The following TBL1X variants were observed in gnomAD, a reference collection of about 807,000 sequenced individuals.
The protein encoded by TBL1X is transducin beta like 1 X-linked.
TBL1X carries 10 observed loss-of-function variants against 50.7 expected under a neutral mutation model. The observed-to-expected ratio is 0.20, with a 90% confidence interval of 0.12 to 0.33. The LOEUF (loss-of-function observed/expected upper bound fraction) is 0.33, where lower values mean the gene tolerates loss of function less well. Among genes scored for constraint, TBL1X ranks in the 10% least tolerant of loss-of-function variants. The probability of loss-of-function intolerance (pLI) is 1.00; values close to 1 mark genes in which losing one functional copy is unlikely to be tolerated. For synonymous variants in TBL1X, 190 were observed against 214.7 expected (o/e 0.88, Z 1.01); for missense variants, 340 against 504.4 (o/e 0.67, Z 3.12).
At chrX:9,672,609 C>G (rs181919565) in intron 5 of TBL1X, among the ~76,000 whole-genome samples, 18 of 111,441 alleles carry the variant, frequency 1.6e-4, no homozygotes, top group African/African-American at 5.5e-4. Flanking sequence ...AGTCCCATCC[C>G]CAGTCTCTCT....
At chrX:9,688,813 C>CT (rs2083078176) in intron 7 of TBL1X, among the ~76,000 whole-genome samples, 1 of 113,427 alleles carries the variant, frequency 8.8e-6, no homozygotes, top group Non-Finnish European at 1.9e-5. Context: ...CTTAGACATA[C>CT]TGCTCTATAC....
chrX:9,719,254 A>G lies in TBL1X; in HGVS notation c.*3008A>G, dbSNP rs2083295923. On this transcript the variant is annotated 3_prime_UTR_variant, in exon 18 of 18. Transcript: ENST00000645353. ...GGGGACCAAAAGGGCCGGACGTTAC[A>G]GGGTGAAACCCTCTGACCCCTCGCG... 1 of 112,250 alleles carries G rather than the reference A, an allele frequency of 8.9e-6. No individual in the cohort carries two copies. The highest frequency in any genetic ancestry group is 3.2e-5 in the African/African-American group (1 of 30,782). The allele number at this position is 112,250 out of a possible 1,213,427, so 9.3% of individuals were successfully genotyped here. A position where few individuals can be genotyped will look rare whatever the true frequency, so the allele number is the denominator to read the frequency against.
chrX:9,687,632 A>C, intron 6 of TBL1X, among the ~76,000 whole-genome samples: 1 of 110,323 alleles, frequency 9.1e-6, no homozygotes, highest in Non-Finnish European at 1.9e-5. Context: ...CAGCCAAAAA[A>C]GTCTCCAGAC....
Position 9,716,336 on chromosome X carries a change from C to A in TBL1X, c.*90C>A. ...GCTCTATTCTCCAAAACTGTAGGAACTTGACTTGCGTTAGAGTGTACTCTG... is the reference window on the plus strand; with the variant it reads ...GCTCTATTCTCCAAAACTGTAGGAAATTGACTTGCGTTAGAGTGTACTCTG... On this transcript the variant is annotated 3_prime_UTR_variant, in exon 18 of 18. Coordinates refer to ENST00000645353, the MANE Select transcript of TBL1X (RefSeq NM_005647.4). 2 of 1,003,192 alleles carry A rather than the reference C, an allele frequency of 2.0e-6. No individual in the cohort carries two copies. Among genetic ancestry groups the A allele is most frequent in the South Asian group, 4.1e-5 (2 of 48,480 alleles). The allele number at this position is 1,003,192 out of a possible 1,213,427, so 82.7% of individuals were successfully genotyped here. A position where few individuals can be genotyped will look rare whatever the true frequency, so the allele number is the denominator to read the frequency against.
chrX:9,651,529 G>T (rs1027627786), intron 3 of TBL1X, among the ~76,000 whole-genome samples: 1 of 112,703 alleles, frequency 8.9e-6, no homozygotes. Context: ...AGTCACTGCA[G>T]CACTCAGCAT....
intron 12 of TBL1X, among the ~76,000 whole-genome samples, chrX:9,700,642 T>TG (rs1169451793): frequency 3.6e-5 from 4 of 111,826 alleles, no homozygotes; most frequent in Middle Eastern, 4.6e-3. Context: ...GAAACGCAGC[T>TG]GGGAAGAGCT....
At chrX:9,600,471 G>GT (rs1208493460) in intron 2 of TBL1X, among the ~76,000 whole-genome samples, 1 of 80,632 alleles carries the variant, frequency 1.2e-5, no homozygotes, top group South Asian at 9.3e-4. Flanking sequence ...TTGGTGGGCG[G>GT]GGGGGGGGGT....
chrX:9,538,617 C>T (rs912852671), intron 2 of TBL1X, among the ~76,000 whole-genome samples: 2 of 112,333 alleles, frequency 1.8e-5, no homozygotes, highest in Non-Finnish European at 3.8e-5. Flanking sequence ...CATACTTCCT[C>T]GCTTGTAAAA....
Position 9,693,090 on chromosome X carries a change from C to G in TBL1X, c.892-59C>G. ...ATCCTCGGAGAGGCTCTCCGAGCTG[C>G]TTCGGTGCTGCCGCTCCTAAGTTGT... On this transcript the variant is annotated intron_variant, in intron 9 of 17. Transcript: ENST00000645353. The G allele has an allele frequency of 2.5e-6, 3 of 1,178,417 alleles. No homozygotes were observed. In the South Asian group the frequency reaches 5.3e-5, roughly 21 times the overall value.
intron 2 of TBL1X, among the ~76,000 whole-genome samples, chrX:9,616,832 A>G (rs760179466): frequency 1.8e-5 from 2 of 111,718 alleles, no homozygotes; most frequent in South Asian, 3.8e-4. Flanking sequence ...GTGAATTTCC[A>G]TTTGGTGAAG....
In TBL1X at chrX:9,694,299, T is replaced by C. The variant is rs1036587308; in HGVS notation, c.1053+880T>C. Among the ~76,000 whole-genome samples the C allele has an allele frequency of 2.7e-5, 3 of 110,711 alleles. No individual in the cohort carries two copies. In the Admixed American group the frequency reaches 2.9e-4, roughly 11 times the overall value. The stretch of plus-strand genomic sequence containing the variant: ...GTGTTTCTACAACAACTGGAAACCA[T>C]GCCTGAATACTGGAGGATGCTCGGG... On this transcript the variant is annotated intron_variant, in intron 11 of 17. Transcript: ENST00000645353.
chrX:9,715,282 G>A (rs967012252), intron 17 of TBL1X, among the ~76,000 whole-genome samples: 5 of 112,383 alleles, frequency 4.4e-5, no homozygotes, highest in African/African-American at 1.3e-4. Context: ...AATATCTGGA[G>A]CCATTTTAGG....
chrX:9,467,113 A>C (rs1315101778), intron 1 of TBL1X, among the ~76,000 whole-genome samples: 2 of 112,620 alleles, frequency 1.8e-5, no homozygotes, highest in African/African-American at 6.5e-5. Flanking sequence ...TGAATGTTTC[A>C]ATTTCTGGAG....
At chrX:9,522,053 T>C (rs1304228680) in intron 2 of TBL1X, among the ~76,000 whole-genome samples, 2 of 105,462 alleles carry the variant, frequency 1.9e-5, no homozygotes, top group Non-Finnish European at 3.9e-5. Context: ...GGTCTCGCTT[T>C]GTCACCCAGG....
chrX:9,491,338 A>T (rs59507953), intron 1 of TBL1X, among the ~76,000 whole-genome samples: 5,822 of 30,464 alleles, frequency 0.19, 654 homozygotes, highest in African/African-American at 0.44. Flanking sequence ...ATATATATAT[A>T]TTTTTTTTTT....
intron 5 of TBL1X, among the ~76,000 whole-genome samples, chrX:9,662,835 C>T (rs1891521006): frequency 8.9e-6 from 1 of 112,022 alleles, no homozygotes; most frequent in African/African-American, 3.2e-5. Flanking sequence ...CTCACACCTG[C>T]AGTCCCAGCT....
intron 11 of TBL1X, among the ~76,000 whole-genome samples, chrX:9,695,996 T>G (rs2083129239): frequency 8.9e-6 from 1 of 112,294 alleles, no homozygotes; most frequent in African/African-American, 3.2e-5. Flanking sequence ...GAAAATAACA[T>G]CCTTGTACAT....
chrX:9,670,804 A>AT (rs2082956262), intron 5 of TBL1X, among the ~76,000 whole-genome samples: 1 of 112,436 alleles, frequency 8.9e-6, no homozygotes, highest in South Asian at 3.7e-4. Flanking sequence ...GTCTCTAAAA[A>AT]TATTTTTTGA....
chrX:9,582,259 G>A (rs1050448717), intron 2 of TBL1X, among the ~76,000 whole-genome samples: 1 of 111,658 alleles, frequency 9.0e-6, no homozygotes, highest in Non-Finnish European at 1.9e-5. Context: ...CCCATATTAC[G>A]GTCATATCCT....
Sources: allele counts gnomAD v4.1 joint callset (sites outside exome capture counted in the v4.1 genomes callset), GRCh38; gene constraint gnomAD v4.1.1; transcripts MANE v1.5; gene names NCBI Gene and HGNC (gene_info 2026-07-23, HGNC 2026-07-21).